Variants in HSF5 observed in about 807,000 individuals in gnomAD.
HSF5 encodes the protein heat shock factor protein 5.
Under a neutral mutation model 50.8 loss-of-function variants are expected in HSF5, and 5 were observed. That is an observed-to-expected ratio of 0.10 (90% CI 0.05 to 0.21). The LOEUF (loss-of-function observed/expected upper bound fraction) is 0.21. Among genes scored for constraint, HSF5 ranks in the 10% least tolerant of loss-of-function variants. The pLI is 1.00. For missense variants in HSF5, 564 were observed against 762.6 expected, an observed-to-expected ratio of 0.74 and a Z score of 3.07; for synonymous variants, 307 against 307.4, an observed-to-expected ratio of 1.00 and a Z score of 0.02.
chr17:58,459,205 GT>G (rs1008829822), intron 4 of HSF5, among the ~76,000 whole-genome samples: 80 of 145,520 alleles, frequency 5.5e-4, no homozygotes, highest in Non-Finnish European at 5.2e-4. Context: ...AAAAGTACAG[GT>G]TTTTTTTTTT....
At chr17:58,466,744 TAAGAA>T in intron 3 of HSF5, 136 bp downstream of exon 3, 10 of 627,798 alleles carry the variant, frequency 1.6e-5, no homozygotes, top group African/African-American at 7.4e-5. Context: ...TTTTTTTTTT[TAAGAA>T]TTGAGAAAAC....
chr17:58,433,247 T>C (rs1213941937), intron 5 of HSF5, among the ~76,000 whole-genome samples: 3 of 152,212 alleles, frequency 2.0e-5, no homozygotes, highest in African/African-American at 7.2e-5. Context: ...CCTGCCCACC[T>C]TGGCCTCCTA....
intron 2 of HSF5, among the ~76,000 whole-genome samples, chr17:58,473,771 T>A (rs1974977412): frequency 1.3e-5 from 2 of 152,242 alleles, no homozygotes; most frequent in African/African-American, 4.8e-5. Flanking sequence ...AATGTTTGAC[T>A]TTACTAAAGA....
intron 5 of HSF5, among the ~76,000 whole-genome samples, chr17:58,437,689 C>A (rs1038200554): frequency 6.6e-6 from 1 of 152,108 alleles, no homozygotes; most frequent in African/African-American, 2.4e-5. Context: ...TTGCAACTTA[C>A]CCATTTGCTG....
At chr17:58,433,911 A>ATTTTTTTTTTTT (rs59043902) in intron 5 of HSF5, among the ~76,000 whole-genome samples, 5 of 109,356 alleles carry the variant, frequency 4.6e-5, no homozygotes, top group African/African-American at 7.2e-5. Context: ...GGTCAAAGGG[A>ATTTTTTTTTTTT]TTTTTTTTTT....
At chr17:58,441,187 G>A (rs994003676) in intron 5 of HSF5, among the ~76,000 whole-genome samples, 5 of 152,002 alleles carry the variant, frequency 3.3e-5, no homozygotes, top group Non-Finnish European at 1.5e-5. Flanking sequence ...ATTAGAAATC[G>A]ATAACAATAA....
intron 5 of HSF5, among the ~76,000 whole-genome samples, chr17:58,427,301 C>A (rs2143724966): frequency 6.6e-6 from 1 of 152,102 alleles, no homozygotes; most frequent in Non-Finnish European, 1.5e-5. Flanking sequence ...AATAAAGCTT[C>A]AAGTGTGAGA....
chr17:58,452,421 T>C (rs1460921650), intron 5 of HSF5, among the ~76,000 whole-genome samples: 1 of 152,118 alleles, frequency 6.6e-6, no homozygotes, highest in Non-Finnish European at 1.5e-5. Context: ...ATGGATAAAT[T>C]CCTGAACACA....
At chr17:58,477,726 T>C (rs12603713) in intron 2 of HSF5, among the ~76,000 whole-genome samples, 128,849 of 151,894 alleles carry the variant, frequency 0.85, 55,011 homozygotes, top group East Asian at 1. Context: ...TCCCAAAGTG[T>C]TGGGATTATA....
intron 5 of HSF5, among the ~76,000 whole-genome samples, chr17:58,436,146 T>G (rs1352516032): frequency 2.0e-5 from 3 of 152,080 alleles, no homozygotes; most frequent in Non-Finnish European, 4.4e-5. Flanking sequence ...CCAAAAGCTT[T>G]CTTTCTAACC....
intron 5 of HSF5, among the ~76,000 whole-genome samples, chr17:58,446,128 A>G (rs1974558415): frequency 7.0e-6 from 1 of 142,722 alleles, no homozygotes; most frequent in African/African-American, 2.7e-5. Context: ...CAAGAGTGAA[A>G]CTCCATCTCA....
At chr17:58,463,351 G>T (rs756328120) in intron 3 of HSF5, 48 bp from the exon 4 acceptor site, 2 of 1,441,628 alleles carry the variant, frequency 1.4e-6, no homozygotes, top group East Asian at 2.3e-5. Context: ...TAAAATATGA[G>T]ATTAAGGAGG....
intron 4 of HSF5, among the ~76,000 whole-genome samples, 161 bp from the exon 5 acceptor site, chr17:58,459,106 A>G (rs1284950796): frequency 6.6e-6 from 1 of 152,220 alleles, no homozygotes; most frequent in Non-Finnish European, 1.5e-5. Context: ...CTCCCTACAC[A>G]AACTATTAAA....
rs1304359680 is a variant in HSF5, at chr17:58,476,187, C to T, written c.925+3706G>A. On this transcript the variant is annotated intron_variant, in intron 2 of 5. Coordinates refer to ENST00000323777, the MANE Select transcript of HSF5 (RefSeq NM_001080439.3). ...TCCCCTTCATCATCATCTTCATCTT[C>T]TTCATCTTCCTCATTTCCTTCTAAT... 4 of 962,022 alleles carry T rather than the reference C, an allele frequency of 4.2e-6. No homozygotes were observed. The African/African-American group carries it at 6.6e-5, about 16-fold the overall frequency. 59.6% of individuals were successfully genotyped at this position (962,022 alleles called of 1,614,324 possible).
At chr17:58,438,662 AG>A (rs1974458335) in intron 5 of HSF5, among the ~76,000 whole-genome samples, 1 of 152,072 alleles carries the variant, frequency 6.6e-6, no homozygotes, top group Non-Finnish European at 1.5e-5. Flanking sequence ...CATTCAGCAA[AG>A]CCCTAAAAGA....
chr17:58,473,015 A>G (rs1015840502), intron 2 of HSF5, among the ~76,000 whole-genome samples: 1 of 152,160 alleles, frequency 6.6e-6, no homozygotes, highest in Non-Finnish European at 1.5e-5. Context: ...AGCAAAAAAC[A>G]AAAGACCCTC....
intron 2 of HSF5, among the ~76,000 whole-genome samples, chr17:58,472,317 A>C (rs1974959296): frequency 6.6e-6 from 1 of 152,090 alleles, no homozygotes; most frequent in Non-Finnish European, 1.5e-5. Context: ...CCCCAAAAAA[A>C]GTGTTTTAAT....
Position 58,487,834 on chromosome 17 carries a change from G to A in HSF5, c.441C>T (p.Arg147=). The A allele has an allele frequency of 1.3e-6, 2 of 1,581,426 alleles. No individual in the cohort carries two copies. Among genetic ancestry groups the A allele is most frequent in the South Asian group, 1.1e-5 (1 of 88,296 alleles). The change falls in exon 1 of 6, where the codon CGC becomes CGT. Residue 147 remains arginine (R), a synonymous_variant. Coordinates refer to ENST00000323777, the MANE Select transcript of HSF5 (RefSeq NM_001080439.3). ...GCAGCCGCTGGAAGCGGTTGGGCGG[G>A]CGGCAGGGCACCTCCAGGCCGGCCG... ...KLAAGLEVPC[R]PPNRFQRLLI...
chr17:58,450,102 A>G (rs1043898619), intron 5 of HSF5, among the ~76,000 whole-genome samples: 4 of 151,282 alleles, frequency 2.6e-5, no homozygotes, highest in African/African-American at 9.7e-5. Flanking sequence ...GTGGGAGGCC[A>G]AGGCAGGCAG....
Sources: allele counts gnomAD v4.1 joint callset (sites outside exome capture counted in the v4.1 genomes callset), GRCh38; gene constraint gnomAD v4.1.1; transcripts MANE v1.5; gene names NCBI Gene and HGNC (gene_info 2026-07-23, HGNC 2026-07-21).